SPIDR: variants seen among roughly 807,000 people sequenced by gnomAD.
SPIDR encodes scaffold protein involved in DNA repair, also known as DNA repair-scaffolding protein.
Under a neutral mutation model 104.6 loss-of-function variants are expected in SPIDR, and 93 were observed. The ratio of observed to expected loss-of-function variants is 0.89; its 90% confidence interval spans 0.75 to 1.06. SPIDR has a LOEUF of 1.06. Ranked by LOEUF, SPIDR falls within the 50% of genes least tolerant of loss-of-function variation. The pLI is 0.00. For missense variants in SPIDR, 1,154 were observed against 1,111.2 expected, an observed-to-expected ratio of 1.04 and a Z score of -0.55; for synonymous variants, 431 against 416.9, an observed-to-expected ratio of 1.03 and a Z score of -0.41.
At chr8:47,380,574 A>G (rs940198270) in intron 5 of SPIDR, among the ~76,000 whole-genome samples, 1 of 151,714 alleles carries the variant, frequency 6.6e-6, no homozygotes, top group Non-Finnish European at 1.5e-5. Flanking sequence ...GCTGTCTGTC[A>G]TTTCTCCTTG....
chr8:47,462,419 G>A (rs1054676639), intron 8 of SPIDR, among the ~76,000 whole-genome samples: 5 of 152,256 alleles, frequency 3.3e-5, no homozygotes, highest in Admixed American at 6.5e-5. Context: ...AGTTCATGAT[G>A]CGAGTCTCTG....
At chr8:47,396,250 G>A (rs552160704) in intron 5 of SPIDR, 126 bp from the exon 6 acceptor site, 14 of 795,218 alleles carry the variant, frequency 1.8e-5, no homozygotes, top group Middle Eastern at 3.7e-4. Context: ...TGCAGATACT[G>A]TATTCAAAAA....
intron 10 of SPIDR, among the ~76,000 whole-genome samples, chr8:47,601,817 G>A (rs996532478): frequency 6.6e-6 from 1 of 152,206 alleles, no homozygotes; most frequent in African/African-American, 2.4e-5. Flanking sequence ...GTTGGACTGT[G>A]TACAAAGATG....
intron 8 of SPIDR, among the ~76,000 whole-genome samples, chr8:47,535,073 A>G (rs79774330): frequency 0.025 from 3,764 of 152,208 alleles, 118 homozygotes; most frequent in East Asian, 0.088. Context: ...TGAAAGACAC[A>G]CTCTACCAAA....
rs78569583 is a variant in SPIDR, at chr8:47,451,774, G to A, written c.1097+11232G>A. 4.6e-5 allele frequency among the ~76,000 whole-genome samples: 7 copies of A among 152,218 alleles called. No homozygotes were observed. The East Asian group carries it at 1.4e-3, about 29-fold the overall frequency. On this transcript the variant is annotated intron_variant, in intron 8 of 19. Coordinates refer to ENST00000297423, the MANE Select transcript of SPIDR (RefSeq NM_001080394.4). ...ATGTAGAACCCTGTGTATTATAGGA[G>A]TACCAGAAGGAGAAGAGAAGAGAGG...
Position 47,454,795 on chromosome 8 carries a change from ACTT to A in SPIDR, c.1097+14254_1097+14256del, listed in dbSNP as rs1340638646. ...GGAGGAAGATTGCTGGAACCCAGGA[ACTT>A]GAGGCTACAGTGTGCTATGAGCATG... On this transcript the variant is annotated intron_variant, in intron 8 of 19. Transcript: ENST00000297423. 5.3e-5 allele frequency among the ~76,000 whole-genome samples: 8 copies of A among 152,128 alleles called. No individual in the cohort carries two copies. In the East Asian group the frequency reaches 1.5e-3, roughly 29 times the overall value.
rs782391916 is a variant in SPIDR at position 47,440,435 on chromosome 8, A to G, written c.990A>G (p.Gln330=). The G allele has an allele frequency of 8.1e-6, 13 of 1,614,008 alleles. No individual in the cohort carries two copies. The South Asian group carries it at 1.3e-4, about 16-fold the overall frequency. The change falls in exon 8 of 20, where the codon CAA becomes CAG. Residue 330 remains glutamine (Q), a synonymous_variant. Transcript: ENST00000297423. ...GGTCACCAGCCACCAGCTCCTCCCA[A>G]AGTGTGGCTCCCAGGCCTGGAGCTG... The part of the protein sequence containing the change: ...LLGSPATSSS[Q]SVAPRPGAGL...
chr8:47,370,576 A>G (rs1453766699), intron 5 of SPIDR, among the ~76,000 whole-genome samples: 3 of 150,150 alleles, frequency 2.0e-5, no homozygotes, highest in Non-Finnish European at 2.9e-5. Flanking sequence ...CCTCCCGAGC[A>G]TCAGGGATTA....
chr8:47,453,250 A>G lies in SPIDR; in HGVS notation c.1097+12708A>G, dbSNP rs148171925. On this transcript the variant is annotated intron_variant, in intron 8 of 19. Coordinates refer to ENST00000297423, the MANE Select transcript of SPIDR (RefSeq NM_001080394.4). ...ATGGAGGAACAAACATTCCATGCTC[A>G]TGGATAGGAAGAATCAGTGTTGTGA... 9.3e-3 allele frequency among the ~76,000 whole-genome samples: 1,414 copies of G among 152,346 alleles called. 23 individuals carry two copies. The highest frequency in any genetic ancestry group is 0.032 in the African/African-American group (1,315 of 41,582).
At chr8:47,619,485 G>A (rs1262774922) in intron 10 of SPIDR, among the ~76,000 whole-genome samples, 3 of 152,130 alleles carry the variant, frequency 2.0e-5, no homozygotes, top group Non-Finnish European at 4.4e-5. Context: ...CCTATCTTGA[G>A]CTTGAACCTC....
At chr8:47,483,741 A>G (rs1379076270) in intron 8 of SPIDR, among the ~76,000 whole-genome samples, 2 of 152,150 alleles carry the variant, frequency 1.3e-5, no homozygotes, top group African/African-American at 4.8e-5. Context: ...CCCAGAGTAA[A>G]ATCAGCAGTC....
At position 47,443,535 on chromosome 8, in the gene SPIDR, C is replaced by A. The variant is rs538893695; in HGVS notation, c.1097+2993C>A. Among the ~76,000 whole-genome samples the A allele has an allele frequency of 2.3e-5, 3 of 127,986 alleles. No individual in the cohort carries two copies. In the South Asian group the frequency reaches 7.7e-4, roughly 33 times the overall value. 84.0% of individuals were successfully genotyped at this position (127,986 alleles called of 152,430 possible). ...GCAGGGAGCCGAGATTGCACCACTG[C>A]ATTCCAGCCTGGGCGACAGAGCAAG... On this transcript the variant is annotated intron_variant, in intron 8 of 19. Transcript: ENST00000297423.
chr8:47,403,746 A>AG (rs1394322332), intron 6 of SPIDR, among the ~76,000 whole-genome samples: 1 of 152,262 alleles, frequency 6.6e-6, no homozygotes, highest in African/African-American at 2.4e-5. Flanking sequence ...TTGGATAGGA[A>AG]GAATCAATAT....
chr8:47,372,026 C>G (rs193214565), intron 5 of SPIDR, among the ~76,000 whole-genome samples: 1 of 152,250 alleles, frequency 6.6e-6, no homozygotes, highest in African/African-American at 2.4e-5. Flanking sequence ...CAGTCTTGGC[C>G]CCAGCCTATG....
In SPIDR at chr8:47,712,869, C is replaced by G. The variant is rs1439662865; in HGVS notation, c.2185C>G (p.Gln729Glu). 1.2e-6 allele frequency: 2 copies of G among 1,613,786 alleles called. No individual in the cohort carries two copies. Among genetic ancestry groups the G allele is most frequent in the African/African-American group, 1.3e-5 (1 of 74,910 alleles). Reference protein sequence around the residue: ...SLFFKDALRDQGRIVCAERTV... With the variant: ...SLFFKDALRDEGRIVCAERTV... ...CTTCTTCAAGGACGCTCTCCGTGAC[C>G]AGGGTGTGCTTGCGTCTCCACAGCT... is the stretch of plus-strand genomic sequence containing the variant. Residue 729 changes from glutamine to glutamate, a missense_variant, in exon 15 of 20, where the codon CAG becomes GAG. Coordinates refer to ENST00000297423, the MANE Select transcript of SPIDR (RefSeq NM_001080394.4).
At chr8:47,707,971 C>T (rs190067256) in intron 14 of SPIDR, among the ~76,000 whole-genome samples, 8 of 152,330 alleles carry the variant, frequency 5.3e-5, no homozygotes, top group African/African-American at 1.9e-4. Flanking sequence ...TGCCTTATTA[C>T]TAGCATTATA....
At chr8:47,653,909 T>C (rs1298725825) in intron 10 of SPIDR, 1 of 925,906 alleles carries the variant, frequency 1.1e-6, no homozygotes, top group African/African-American at 1.8e-5. Context: ...GGAAAAAGAA[T>C]TGTTTACACT....
At chr8:47,543,382 G>A (rs2088621023) in intron 8 of SPIDR, among the ~76,000 whole-genome samples, 1 of 152,064 alleles carries the variant, frequency 6.6e-6, no homozygotes, top group African/African-American at 2.4e-5. Context: ...ATATCTCATT[G>A]TGGTTTTAAT....
At chr8:47,461,030 G>A (rs2073848890) in intron 8 of SPIDR, among the ~76,000 whole-genome samples, 1 of 152,200 alleles carries the variant, frequency 6.6e-6, no homozygotes, top group Admixed American at 6.5e-5. Context: ...GAAATCTGCT[G>A]TTAATCTGAT....
Sources: gnomAD v4.1 joint callset for allele counts (sites outside exome capture counted in the v4.1 genomes callset) on GRCh38, gnomAD v4.1.1 for gene constraint, MANE v1.5 for transcripts, NCBI Gene and HGNC (gene_info 2026-07-23, HGNC 2026-07-21) for gene names.